The following HNRNPLL variants were observed in gnomAD, a reference collection of about 807,000 sequenced individuals.
HNRNPLL encodes heterogeneous nuclear ribonucleoprotein L like, also known as heterogeneous nuclear ribonucleoprotein L-like.
HNRNPLL carries 25 observed loss-of-function variants against 67.1 expected under a neutral mutation model. That is an observed-to-expected ratio of 0.37 (90% CI 0.27 to 0.52). The LOEUF (loss-of-function observed/expected upper bound fraction) is 0.52, where lower values mean the gene tolerates loss of function less well. Ranked by LOEUF, HNRNPLL falls within the 20% of genes least tolerant of loss-of-function variation. The pLI is 0.90. For synonymous variants in HNRNPLL, 267 were observed against 241.7 expected, an observed-to-expected ratio of 1.10 and a Z score of -0.97; for missense variants, 542 against 673.9, an observed-to-expected ratio of 0.80 and a Z score of 2.17.
chr2:38,594,988 C>CATT (rs1413808441), intron 1 of HNRNPLL, among the ~76,000 whole-genome samples: 1 of 150,660 alleles, frequency 6.6e-6, no homozygotes, highest in Non-Finnish European at 1.5e-5. Flanking sequence ...ATAAATAAAA[C>CATT]ATTATTAGCC....
chr2:38,566,786 C>A (rs181185513), intron 12 of HNRNPLL, among the ~76,000 whole-genome samples: 96 of 149,124 alleles, frequency 6.4e-4, no homozygotes, highest in African/African-American at 2.3e-3. Flanking sequence ...GAGTTCAAGA[C>A]CAGCCTGGGC....
intron 2 of HNRNPLL, among the ~76,000 whole-genome samples, chr2:38,586,257 G>A (rs538406525): frequency 1.3e-5 from 2 of 152,198 alleles, no homozygotes; most frequent in South Asian, 2.1e-4. Context: ...TCCTGACCTC[G>A]TGATCCGCCC....
intron 7 of HNRNPLL, 106 bp from the exon 8 acceptor site, chr2:38,573,533 A>G (rs2148345742): frequency 1.4e-6 from 1 of 725,164 alleles, no homozygotes; most frequent in Non-Finnish European, 2.3e-6. Flanking sequence ...AACTCTTAAT[A>G]TTAGCTAGTT....
chr2:38,568,117 GTTATTTTTA>G, intron 12 of HNRNPLL, 73 bp downstream of exon 12: 1 of 838,184 alleles, frequency 1.2e-6, no homozygotes, highest in Non-Finnish European at 1.9e-6. Context: ...CCTATTAAGT[GTTATTTTTA>G]TATTACCATG....
At chr2:38,597,341 T>C (rs1210903235) in intron 1 of HNRNPLL, among the ~76,000 whole-genome samples, 1 of 152,242 alleles carries the variant, frequency 6.6e-6, no homozygotes, top group Non-Finnish European at 1.5e-5. Context: ...GCCTTCTCCA[T>C]TCTGGTAAGC....
In HNRNPLL at chr2:38,569,621, C is replaced by T. The variant is rs116282716; in HGVS notation, c.1214+183G>A. On this transcript the variant is annotated intron_variant, in intron 9 of 12. Coordinates refer to ENST00000449105, the MANE Select transcript of HNRNPLL (RefSeq NM_138394.4). Reference sequence around the variant, plus strand: ...CATCATAAAACTAAAAAGCAGGTATCGCTAAGCAAAATCTGAGTGATACGA... The same window carrying T: ...CATCATAAAACTAAAAAGCAGGTATTGCTAAGCAAAATCTGAGTGATACGA... Among the ~76,000 whole-genome samples the T allele has an allele frequency of 9.3e-3, 1,411 of 152,168 alleles. 19 individuals carry two copies. Among genetic ancestry groups the T allele is most frequent in the African/African-American group, 0.032 (1,346 of 41,532 alleles).
At position 38,568,367 on chromosome 2, in the gene HNRNPLL, A is replaced by G; in HGVS notation, c.1474+19T>C. On this transcript the variant is annotated intron_variant, in intron 11 of 12. Transcript: ENST00000449105. ...ACCAACTTAACCAGAAAGCTTTAAA[A>G]GAGGGACTGTTCACTTACGTTTTGC... The G allele has an allele frequency of 6.2e-7, 1 of 1,607,990 alleles. No homozygotes were observed. Among genetic ancestry groups the G allele is most frequent in the Non-Finnish European group, 8.5e-7 (1 of 1,174,860 alleles).
chr2:38,564,013 T>C lies in HNRNPLL; in HGVS notation c.*169A>G, dbSNP rs371718834. ...CTATCTTAAAATGAAAACAATTCAA[T>C]ATTTAAGCTTACAACAAATTTACTC... On this transcript the variant is annotated 3_prime_UTR_variant, in exon 13 of 13. Transcript: ENST00000449105. 918 of 580,990 alleles carry C rather than the reference T, an allele frequency of 1.6e-3. 22 individuals are homozygous for C. The South Asian group carries it at 0.019, about 12-fold the overall frequency. 36.0% of individuals were successfully genotyped at this position (580,990 alleles called of 1,614,324 possible). A position where few individuals can be genotyped will look rare whatever the true frequency, so the allele number is the denominator to read the frequency against.
chr2:38,574,937 A>G (rs540985582), intron 7 of HNRNPLL, among the ~76,000 whole-genome samples: 4 of 151,966 alleles, frequency 2.6e-5, no homozygotes, highest in South Asian at 2.1e-4. Flanking sequence ...GCAAAAGTAC[A>G]TATACATAAT....
chr2:38,569,035 A>T (rs1665972546), intron 10 of HNRNPLL, 98 bp downstream of exon 10: 2 of 853,246 alleles, frequency 2.3e-6, no homozygotes, highest in South Asian at 1.5e-5. Context: ...TAACATCAAA[A>T]GCAAAAGAAT....
At chr2:38,591,371 A>C (rs1422992378) in intron 2 of HNRNPLL, among the ~76,000 whole-genome samples, 159 bp downstream of exon 2, 1 of 152,230 alleles carries the variant, frequency 6.6e-6, no homozygotes, top group African/African-American at 2.4e-5. Flanking sequence ...AGTAGGCTTA[A>C]AACGTTCCAA....
In HNRNPLL at chr2:38,563,974, T is replaced by A. The variant is rs1165719911; in HGVS notation, c.*208A>T. 1 of 510,442 alleles carries A rather than the reference T, an allele frequency of 2.0e-6. No homozygotes were observed. The highest frequency in any genetic ancestry group is 2.0e-5 in the African/African-American group (1 of 50,784). 31.6% of individuals were successfully genotyped at this position (510,442 alleles called of 1,614,324 possible). On this transcript the variant is annotated 3_prime_UTR_variant, in exon 13 of 13. Coordinates refer to ENST00000449105, the MANE Select transcript of HNRNPLL (RefSeq NM_138394.4). ...ATCTACAATGAAGCTGTAGATAGTC[T>A]ACATTATGATATTCTATCTTAAAAT...
Position 38,577,493 on chromosome 2 carries a change from T to A in HNRNPLL, c.842A>T (p.Glu281Val). ...KGRQRQAILG[E>V]HPSSFRHDGY... ...ATCATGTCTAAACGAAGAAGGGTGT[T>A]CTCCCAAAATGGCTTGTCTCTGGCG... is the stretch of plus-strand genomic sequence containing the variant. The change falls in exon 7 of 13, where the codon GAA becomes GTA. Residue 281 changes from glutamate to valine, a missense_variant. Coordinates refer to ENST00000449105, the MANE Select transcript of HNRNPLL (RefSeq NM_138394.4). 6.2e-7 allele frequency: 1 copy of A among 1,610,208 alleles called. No homozygotes were observed. The highest frequency in any genetic ancestry group is 8.5e-7 in the Non-Finnish European group (1 of 1,176,688).
At chr2:38,601,584 G>A (rs922723317) in intron 1 of HNRNPLL, 6 of 152,196 alleles carry the variant, frequency 3.9e-5, no homozygotes, top group Non-Finnish European at 8.8e-5. Flanking sequence ...ACTTGCTGTG[G>A]ACAAAATGAT....
Position 38,579,380 on chromosome 2 carries a change from G to A in HNRNPLL, c.803-1848C>T, listed in dbSNP as rs188654055. Among the ~76,000 whole-genome samples the A allele has an allele frequency of 4.7e-4, 71 of 151,826 alleles. 4 individuals are homozygous for A. In the East Asian group the frequency reaches 0.014, roughly 29 times the overall value. On this transcript the variant is annotated intron_variant, in intron 6 of 12. Transcript: ENST00000449105. Reference sequence around the variant, plus strand: ...CATATGTAACTAACCTGCACATTGTGCACATGTACCCTAAAACTTAAAGTA... The same window carrying A: ...CATATGTAACTAACCTGCACATTGTACACATGTACCCTAAAACTTAAAGTA...
In HNRNPLL at chr2:38,566,880, G is replaced by A. The variant is rs185179326; in HGVS notation, c.1573+1319C>T. On this transcript the variant is annotated intron_variant, in intron 12 of 12. Transcript: ENST00000449105. ...TAAAAATAAAAAAGTGCAACTATAA[G>A]GATGTTTATTACAATAACAGAAAAA... Among the ~76,000 whole-genome samples the A allele has an allele frequency of 2.1e-4, 31 of 150,170 alleles. 1 individual carries two copies. In the East Asian group the frequency reaches 5.7e-3, roughly 27 times the overall value.
chr2:38,585,590 G>A (rs1230184930), intron 3 of HNRNPLL, 54 bp downstream of exon 3: 7 of 1,105,632 alleles, frequency 6.3e-6, no homozygotes, highest in Admixed American at 1.7e-5. Context: ...CAGTCACTCT[G>A]GAGGCAAACT....
At chr2:38,566,883 T>C (rs1208380437) in intron 12 of HNRNPLL, among the ~76,000 whole-genome samples, 2 of 149,520 alleles carry the variant, frequency 1.3e-5, no homozygotes, top group Non-Finnish European at 3.0e-5. Context: ...ACTATAAGGA[T>C]GTTTATTACA....
chr2:38,593,344 A>G (rs1667035046), intron 1 of HNRNPLL, among the ~76,000 whole-genome samples: 1 of 152,206 alleles, frequency 6.6e-6, no homozygotes, highest in African/African-American at 2.4e-5. Context: ...TAAAGCAGGA[A>G]GAGCTCTAAA....
Sources: allele counts gnomAD v4.1 joint callset (sites outside exome capture counted in the v4.1 genomes callset), GRCh38; gene constraint gnomAD v4.1.1; transcripts MANE v1.5; gene names NCBI Gene and HGNC (gene_info 2026-07-23, HGNC 2026-07-21).